Variants in CABP2 observed in about 807,000 individuals in gnomAD.
The protein encoded by CABP2 is calcium binding protein 2, also known as calcium-binding protein 2.
Under a neutral mutation model 28.6 loss-of-function variants are expected in CABP2, and 25 were observed. The observed-to-expected ratio is 0.87, with a 90% CI of 0.64 to 1.22. The LOEUF (loss-of-function observed/expected upper bound fraction) is 1.22. Ranked by LOEUF, CABP2 falls within the 50% of genes most tolerant of loss-of-function variation. CABP2 has a pLI of 0.00. For synonymous variants in CABP2, 138 were observed against 126.0 expected (o/e 1.09, Z -0.64); for missense variants, 310 against 312.2 (o/e 0.99, Z 0.05).
intron 4 of CABP2, 121 bp downstream of exon 4, chr11:67,520,904 C>T: frequency 2.7e-6 from 3 of 1,104,398 alleles, no homozygotes; most frequent in Non-Finnish European, 4.0e-6. Context: ...TTGAGAATGA[C>T]CAAGGTCATG....
Position 67,522,723 on chromosome 11 carries a change from C to G in CABP2, c.43-7G>C. The G allele has an allele frequency of 6.8e-7, 1 of 1,475,948 alleles. No individual in the cohort carries two copies. Among genetic ancestry groups the G allele is most frequent in the East Asian group, 2.5e-5 (1 of 39,974 alleles). 91.4% of individuals were successfully genotyped at this position (1,475,948 alleles called of 1,614,324 possible). A position where few individuals can be genotyped will look rare whatever the true frequency, so the allele number is the denominator to read the frequency against. ...CGAGCCACTGCAAGGGGTCCTGCAG[C>G]AGAGCCGGCCGTGAGCTGGGGCAGT... is the stretch of plus-strand genomic sequence containing the variant. On this transcript the variant is annotated splice_polypyrimidine_tract_variant and splice_region_variant and intron_variant, in intron 1 of 6. Coordinates refer to ENST00000294288, the MANE Select transcript of CABP2 (RefSeq NM_016366.3).
chr11:67,522,452 G>A (rs970688435), intron 2 of CABP2, 94 bp downstream of exon 2: 4 of 1,331,146 alleles, frequency 3.0e-6, no homozygotes, highest in Non-Finnish European at 4.2e-6. Flanking sequence ...CGAGGGGCAA[G>A]GGTAGGTGGG....
Sources: gnomAD v4.1 joint callset for allele counts on GRCh38, gnomAD v4.1.1 for gene constraint, MANE v1.5 for transcripts, NCBI Gene and HGNC (gene_info 2026-07-23, HGNC 2026-07-21) for gene names.